LOC400499: variants seen among roughly 807,000 people sequenced by gnomAD.
At chr16:11,442,792 C>T in the LOC400499 span, among the ~76,000 whole-genome samples, 2 of 152,206 alleles carry the variant, frequency 1.3e-5, no homozygotes, top group Non-Finnish European at 2.9e-5. Context: ...GGCGCCGGCT[C>T]TGCAATCTCT....
chr16:11,452,519 A>G, the LOC400499 span, among the ~76,000 whole-genome samples: 120,016 of 152,144 alleles, frequency 0.79, 47,406 homozygotes, highest in South Asian at 0.83. Flanking sequence ...CTCATGGGTC[A>G]GGGAGCCCAC....
At chr16:11,515,644 G>A in the LOC400499 span, among the ~76,000 whole-genome samples, 1 of 150,988 alleles carries the variant, frequency 6.6e-6, no homozygotes, top group East Asian at 1.9e-4. Context: ...TGGAAGAGAG[G>A]AGGTAAAGGA....
At chr16:11,481,291 C>A in the LOC400499 span, among the ~76,000 whole-genome samples, 1 of 152,068 alleles carries the variant, frequency 6.6e-6, no homozygotes, top group South Asian at 2.1e-4. Context: ...GGTGGTGGCA[C>A]AACATGGTGA....
At chr16:11,408,472 T>TTA in the LOC400499 span, among the ~76,000 whole-genome samples, 5 of 137,506 alleles carry the variant, frequency 3.6e-5, no homozygotes, top group Non-Finnish European at 6.3e-5. Context: ...TTTTTTTTTT[T>TTA]AGACAGAGAC....
At chr16:11,385,244 G>T in the LOC400499 span, 5 of 1,232,294 alleles carry the variant, frequency 4.1e-6, no homozygotes, top group Non-Finnish European at 4.0e-6. Flanking sequence ...GGGTCTTGTG[G>T]TTAAGTTCCA....
At chr16:11,378,257 T>C in the LOC400499 span, among the ~76,000 whole-genome samples, 5 of 132,200 alleles carry the variant, frequency 3.8e-5, no homozygotes, top group Non-Finnish European at 8.4e-5. Flanking sequence ...TTTTCTTTTT[T>C]TTTTTTTTTG....
chr16:11,385,116 A>G, the LOC400499 span: 1 of 1,231,696 alleles, frequency 8.1e-7, no homozygotes, highest in South Asian at 4.1e-5. Flanking sequence ...GCCAGGTGAC[A>G]AGCTTGAAAG....
chr16:11,484,993 C>T, the LOC400499 span: 5 of 399,046 alleles, frequency 1.3e-5, no homozygotes, highest in African/African-American at 6.2e-5. Context: ...CAGGCTCTCT[C>T]CCGTCTTCCT....
chr16:11,436,038 G>T, the LOC400499 span, among the ~76,000 whole-genome samples: 2 of 152,272 alleles, frequency 1.3e-5, no homozygotes, highest in South Asian at 2.1e-4. Flanking sequence ...TGAGACAGAG[G>T]GAGGAATGGG....
At chr16:11,454,995 T>A in the LOC400499 span, among the ~76,000 whole-genome samples, 3 of 152,060 alleles carry the variant, frequency 2.0e-5, no homozygotes, top group African/African-American at 7.2e-5. Flanking sequence ...CAAAACTAAT[T>A]GAAGTCAATG....
chr16:11,418,179 A>G, the LOC400499 span, among the ~76,000 whole-genome samples: 1 of 152,160 alleles, frequency 6.6e-6, no homozygotes, highest in Non-Finnish European at 1.5e-5. Flanking sequence ...CACAGCCTAC[A>G]TCTGTTGTTG....
the LOC400499 span, among the ~76,000 whole-genome samples, chr16:11,451,805 C>G: frequency 6.6e-6 from 1 of 152,130 alleles, no homozygotes; most frequent in Non-Finnish European, 1.5e-5. Context: ...GGCAGACAGG[C>G]TCAGATGCAG....
At chr16:11,425,129 A>G in the LOC400499 span, 1 of 398,908 alleles carries the variant, frequency 2.5e-6, no homozygotes, top group African/African-American at 2.1e-5. Context: ...TCCTACCTGC[A>G]TCACTCAGCG....
chr16:11,372,401 T>C, the LOC400499 span: 1 of 152,244 alleles, frequency 6.6e-6, no homozygotes, highest in South Asian at 2.1e-4. Context: ...TGAATAAATC[T>C]CTTGGGCATG....
chr16:11,428,463 C>T, the LOC400499 span, among the ~76,000 whole-genome samples: 4 of 152,098 alleles, frequency 2.6e-5, no homozygotes, highest in Admixed American at 6.6e-5. Flanking sequence ...CGTGAGCCAC[C>T]GCGGCCGGCC....
chr16:11,524,328 A>G, the LOC400499 span, among the ~76,000 whole-genome samples: 2 of 141,458 alleles, frequency 1.4e-5, no homozygotes, highest in African/African-American at 5.4e-5. Flanking sequence ...CCATCCATTC[A>G]CCCACTCTCC....
At chr16:11,500,570 T>C in the LOC400499 span, among the ~76,000 whole-genome samples, 1 of 146,758 alleles carries the variant, frequency 6.8e-6, no homozygotes, top group East Asian at 2.0e-4. Context: ...TTAAATCACT[T>C]GCCTGGGATC....
chr16:11,516,926 G>A, the LOC400499 span, among the ~76,000 whole-genome samples: 21 of 152,294 alleles, frequency 1.4e-4, no homozygotes, highest in East Asian at 2.7e-3. Context: ...GATTACAGGC[G>A]TAAGCCACCG....
the LOC400499 span, among the ~76,000 whole-genome samples, chr16:11,513,426 A>ATTTATTT: frequency 6.6e-6 from 1 of 150,972 alleles, no homozygotes; most frequent in African/African-American, 2.4e-5. Flanking sequence ...AAAATTTAAA[A>ATTTATTT]ATTTATTTAT....
Sources: allele counts gnomAD v4.1 joint callset (sites outside exome capture counted in the v4.1 genomes callset), GRCh38; gene constraint gnomAD v4.1.1; transcripts MANE v1.5.